Variants in PKP4 observed in about 807,000 individuals in gnomAD.
PKP4 encodes the protein plakophilin 4.
In PKP4, 90 loss-of-function variants were observed where a neutral mutation model predicts 145.1. That is an observed-to-expected ratio of 0.62 (90% confidence interval 0.52 to 0.74). PKP4 has a LOEUF of 0.74. Among genes scored for constraint, PKP4 ranks in the 30% least tolerant of loss-of-function variants. PKP4 has a pLI of 0.00. For missense variants in PKP4, 1,340 were observed against 1,482.7 expected, an observed-to-expected ratio of 0.90 and a Z score of 1.58; for synonymous variants, 563 against 577.2, an observed-to-expected ratio of 0.98 and a Z score of 0.35.
At chr2:158,649,809 A>C (rs2055184386) in intron 11 of PKP4, among the ~76,000 whole-genome samples, 1 of 152,222 alleles carries the variant, frequency 6.6e-6, no homozygotes, top group Non-Finnish European at 1.5e-5. Context: ...CTACAAATGC[A>C]AGAAAGGTGG....
rs1328985385 is a variant in PKP4 at position 158,533,169 on chromosome 2, CT to C, written c.-5-9del. On this transcript the variant is annotated splice_polypyrimidine_tract_variant and intron_variant, in intron 1 of 21. Transcript: ENST00000389759. ...GAAGAAAGTGTTAACCCTTTGCCTG[CT>C]TGATTGCAGGAGGAATGCCAGCTCC... 1 of 1,605,456 alleles carries C rather than the reference CT, an allele frequency of 6.2e-7. No homozygotes were observed. The highest frequency in any genetic ancestry group is 1.1e-5 in the South Asian group (1 of 89,640).
intron 2 of PKP4, among the ~76,000 whole-genome samples, chr2:158,571,114 G>A (rs995768131): frequency 6.6e-6 from 1 of 152,078 alleles, no homozygotes; most frequent in Non-Finnish European, 1.5e-5. Context: ...TGAAATGAGC[G>A]CCTACTGCTG....
chr2:158,564,217 G>GT (rs2046784298), intron 2 of PKP4, among the ~76,000 whole-genome samples: 1 of 152,040 alleles, frequency 6.6e-6, no homozygotes, highest in Non-Finnish European at 1.5e-5. Context: ...CTCATTCACA[G>GT]TTGTGTCTGT....
chr2:158,635,910 T>C (rs1052059848), intron 9 of PKP4, among the ~76,000 whole-genome samples: 6 of 103,590 alleles, frequency 5.8e-5, no homozygotes, highest in Non-Finnish European at 1.2e-4. Flanking sequence ...GTTTTGAAAA[T>C]AGCAATTTGA....
chr2:158,506,369 G>A (rs2040976976), intron 1 of PKP4, among the ~76,000 whole-genome samples: 1 of 152,142 alleles, frequency 6.6e-6, no homozygotes, highest in African/African-American at 2.4e-5. Flanking sequence ...TTAAGTAAAG[G>A]TATTAACAAA....
At chr2:158,487,812 G>A (rs561442918) in intron 1 of PKP4, among the ~76,000 whole-genome samples, 2 of 152,002 alleles carry the variant, frequency 1.3e-5, no homozygotes, top group South Asian at 4.2e-4. Context: ...GAAGGGGGAG[G>A]GAGGGAGGAA....
At chr2:158,661,230 G>T in intron 12 of PKP4, 103 bp from the exon 13 acceptor site, 1 of 790,168 alleles carries the variant, frequency 1.3e-6, no homozygotes, top group Non-Finnish European at 2.2e-6. Flanking sequence ...CCTCTAAGTG[G>T]CTGCCACCTG....
At chr2:158,650,224 T>C (rs2055228333) in intron 11 of PKP4, among the ~76,000 whole-genome samples, 1 of 152,246 alleles carries the variant, frequency 6.6e-6, no homozygotes, top group African/African-American at 2.4e-5. Flanking sequence ...GGAGCCACTC[T>C]GTGTGTCCCA....
chr2:158,530,177 G>C (rs2043388655), intron 1 of PKP4, among the ~76,000 whole-genome samples: 1 of 152,126 alleles, frequency 6.6e-6, no homozygotes, highest in African/African-American at 2.4e-5. Context: ...TGACTTTTCT[G>C]TGGTGCCCCA....
chr2:158,489,066 C>T (rs1694568170), intron 1 of PKP4, among the ~76,000 whole-genome samples: 1 of 152,150 alleles, frequency 6.6e-6, no homozygotes, highest in Non-Finnish European at 1.5e-5. Flanking sequence ...TAAATCTTTT[C>T]AATTCACATT....
intron 2 of PKP4, among the ~76,000 whole-genome samples, chr2:158,558,119 G>A (rs2046241161): frequency 6.6e-6 from 1 of 152,166 alleles, no homozygotes; most frequent in Admixed American, 6.5e-5. Flanking sequence ...TGCACCATAT[G>A]ACCATGGCTC....
chr2:158,468,012 A>C (rs1362533956), intron 1 of PKP4, among the ~76,000 whole-genome samples: 1 of 152,200 alleles, frequency 6.6e-6, no homozygotes, highest in East Asian at 1.9e-4. Flanking sequence ...CATAATATGG[A>C]TGTACCATAG....
At chr2:158,573,955 G>A (rs1030990039) in intron 2 of PKP4, among the ~76,000 whole-genome samples, 1 of 152,240 alleles carries the variant, frequency 6.6e-6, no homozygotes, top group Non-Finnish European at 1.5e-5. Flanking sequence ...ATGACCACAG[G>A]CCACCTGCTG....
chr2:158,535,985 T>A (rs2044004264), intron 2 of PKP4, among the ~76,000 whole-genome samples: 1 of 152,334 alleles, frequency 6.6e-6, no homozygotes, highest in Admixed American at 6.5e-5. Flanking sequence ...GTGAGGACCT[T>A]AAATTAACAT....
chr2:158,558,785 G>T (rs2046295770), intron 2 of PKP4, among the ~76,000 whole-genome samples: 1 of 152,094 alleles, frequency 6.6e-6, no homozygotes, highest in Non-Finnish European at 1.5e-5. Flanking sequence ...AAGAGGAGAA[G>T]GTGAAGGTGT....
chr2:158,616,280 T>C (rs534010447), intron 4 of PKP4, among the ~76,000 whole-genome samples: 2 of 152,338 alleles, frequency 1.3e-5, no homozygotes, highest in South Asian at 4.1e-4. Flanking sequence ...CAGAAGGTAC[T>C]AAAGAGGAGA....
chr2:158,606,960 A>G (rs2105859974), intron 4 of PKP4, among the ~76,000 whole-genome samples: 1 of 152,294 alleles, frequency 6.6e-6, no homozygotes, highest in East Asian at 1.9e-4. Context: ...TATCTCTAGT[A>G]TCGGACATTC....
intron 2 of PKP4, among the ~76,000 whole-genome samples, chr2:158,546,173 G>A (rs1241034783): frequency 6.6e-6 from 1 of 152,074 alleles, no homozygotes; most frequent in Non-Finnish European, 1.5e-5. Flanking sequence ...ACTTTAAGTG[G>A]TATTAAATAA....
chr2:158,652,779 C>G (rs2055500724), intron 11 of PKP4, among the ~76,000 whole-genome samples: 1 of 152,166 alleles, frequency 6.6e-6, no homozygotes, highest in Non-Finnish European at 1.5e-5. Context: ...CCCAGAGCTT[C>G]AACGGGAATG....
Sources: gnomAD v4.1 joint callset for allele counts (sites outside exome capture counted in the v4.1 genomes callset) on GRCh38, gnomAD v4.1.1 for gene constraint, MANE v1.5 for transcripts, NCBI Gene and HGNC (gene_info 2026-07-23, HGNC 2026-07-21) for gene names.